The following UBE3B variants were observed in gnomAD, a reference collection of about 807,000 sequenced individuals.
UBE3B encodes ubiquitin-protein ligase E3B.
In UBE3B, 80 loss-of-function variants were observed where a neutral mutation model predicts 132.3. The observed-to-expected ratio is 0.60, with a 90% CI of 0.50 to 0.73. The LOEUF is 0.73. Ranked by LOEUF, UBE3B falls within the 30% of genes least tolerant of loss-of-function variation. The probability of loss-of-function intolerance (pLI) is 0.00; values close to 1 mark genes in which losing one functional copy is unlikely to be tolerated. For synonymous variants in UBE3B, 487 were observed against 520.4 expected, an observed-to-expected ratio of 0.94 and a Z score of 0.87; for missense variants, 1,196 against 1,362.5, an observed-to-expected ratio of 0.88 and a Z score of 1.92.
chr12:109,481,281 A>G (rs1592867115), intron 1 of UBE3B, among the ~76,000 whole-genome samples: 1 of 151,120 alleles, frequency 6.6e-6, no homozygotes, highest in Non-Finnish European at 1.5e-5. Flanking sequence ...ATGCCGCTGC[A>G]CTCCAACCTC....
At chr12:109,524,906 G>A (rs563956547) in intron 23 of UBE3B, among the ~76,000 whole-genome samples, 1 of 151,872 alleles carries the variant, frequency 6.6e-6, no homozygotes, top group Non-Finnish European at 1.5e-5. Context: ...ACAGAGCAGA[G>A]CAGGGAGCAG....
At chr12:109,488,990 T>C (rs1298216508) in intron 7 of UBE3B, among the ~76,000 whole-genome samples, 1 of 152,204 alleles carries the variant, frequency 6.6e-6, no homozygotes. Context: ...ACTTGGAAAA[T>C]CATTAGGTTG....
At chr12:109,484,782 G>C (rs1200130596) in intron 4 of UBE3B, among the ~76,000 whole-genome samples, 1 of 151,162 alleles carries the variant, frequency 6.6e-6, no homozygotes, top group African/African-American at 2.4e-5. Context: ...TTCTGAGACA[G>C]GGTCTCACTG....
Position 109,488,564 on chromosome 12 carries a change from GTT to G in UBE3B, c.448-6_448-5del. The G allele has an allele frequency of 6.2e-7, 1 of 1,613,218 alleles. No homozygotes were observed. The highest frequency in any genetic ancestry group is 8.5e-7 in the Non-Finnish European group (1 of 1,179,214). ...GTGTCTTAATCTTGCTGTGTTTATT[GTT>G]TCCAGCCTGAAATCCTGCAGGACTC... On this transcript the variant is annotated splice_polypyrimidine_tract_variant and splice_region_variant and intron_variant, in intron 6 of 27. Transcript: ENST00000342494.
chr12:109,508,546 T>C (rs1360979257), intron 15 of UBE3B: 1 of 985,420 alleles, frequency 1.0e-6, no homozygotes, highest in Non-Finnish European at 1.2e-6. Context: ...TGAAGAATTA[T>C]AAGATACAAT....
rs917779451 is a variant in UBE3B, at chr12:109,486,089, G to T, written c.342+18G>T. 6 of 1,556,100 alleles carry T rather than the reference G, an allele frequency of 3.9e-6. No homozygotes were observed. The African/African-American group carries it at 5.5e-5, about 14-fold the overall frequency. ...AGCCTAAGGTAAGTGGACGGGAGCC[G>T]CAGTGTCTCCCACAAGCTCTTAAGG... is the stretch of plus-strand genomic sequence containing the variant. On this transcript the variant is annotated intron_variant, in intron 5 of 27. Coordinates refer to ENST00000342494, the MANE Select transcript of UBE3B (RefSeq NM_130466.4).
At position 109,528,253 on chromosome 12, in the gene UBE3B, ACT is replaced by A. The variant is rs1408048487; in HGVS notation, c.2628-1632_2628-1631del. ...TTTATGAGTGTTGGATGTTTCCCAT[ACT>A]CTCTTCTCTCGTATCTCCCTCTCTC... On this transcript the variant is annotated intron_variant, in intron 24 of 27. Coordinates refer to ENST00000342494, the MANE Select transcript of UBE3B (RefSeq NM_130466.4). 8.5e-6 allele frequency: 7 copies of A among 820,176 alleles called. No individual in the cohort carries two copies. In the Admixed American group the frequency reaches 2.5e-4, roughly 29 times the overall value. 50.8% of individuals were successfully genotyped at this position (820,176 alleles called of 1,614,324 possible).
At chr12:109,537,486 G>A (rs1333546489), downstream of UBE3B, among the ~76,000 whole-genome samples, 3 of 152,182 alleles carry the variant, frequency 2.0e-5, no homozygotes, top group Non-Finnish European at 4.4e-5. Context: ...TTAGGATCCA[G>A]TCAGGAAAGA....
Position 109,529,899 on chromosome 12 carries a change from C to T in UBE3B, c.2637C>T (p.Tyr879=). 1 of 1,614,240 alleles carries T rather than the reference C, an allele frequency of 6.2e-7. No individual in the cohort carries two copies. Among genetic ancestry groups the T allele is most frequent in the Non-Finnish European group, 8.5e-7 (1 of 1,180,044 alleles). Residue 879 remains tyrosine, a synonymous_variant, in exon 25 of 28, where the codon TAC becomes TAT. Coordinates refer to ENST00000342494, the MANE Select transcript of UBE3B (RefSeq NM_130466.4). ...TCCTTGTTGGCAACAGAATTAGCTA[C>T]ATCCATCTGATGGCACATTTTCGAA... The part of the protein sequence containing the change: ...IPVTNENKIS[Y]IHLMAHFRMH...
chr12:109,524,318 C>T (rs1452639393), intron 22 of UBE3B, 120 bp from the exon 23 acceptor site: 4 of 1,410,418 alleles, frequency 2.8e-6, no homozygotes, highest in South Asian at 1.2e-5. Flanking sequence ...TTCTTTGCGT[C>T]AAGCTGTTCA....
Position 109,526,434 on chromosome 12 carries a change from G to T in UBE3B, c.2627+18G>T, listed in dbSNP as rs1206980954. The T allele has an allele frequency of 4.3e-6, 7 of 1,613,098 alleles. No individual in the cohort carries two copies. Among genetic ancestry groups the T allele is most frequent in the Non-Finnish European group, 5.9e-6 (7 of 1,179,240 alleles). On this transcript the variant is annotated intron_variant, in intron 24 of 27. Coordinates refer to ENST00000342494, the MANE Select transcript of UBE3B (RefSeq NM_130466.4). ...GAAAATAAGTGAGTATAGCAATTAG[G>T]TTTTTAAGGTCACCACTTGAAAAGA...
chr12:109,510,751 A>G (rs1880274274), intron 17 of UBE3B, among the ~76,000 whole-genome samples: 1 of 152,254 alleles, frequency 6.6e-6, no homozygotes, highest in Non-Finnish European at 1.5e-5. Flanking sequence ...GAGCTGAGCA[A>G]CAGAGCATGA....
chr12:109,546,236 A>G, the UBE3B span, among the ~76,000 whole-genome samples: 679 of 152,192 alleles, frequency 4.5e-3, 4 homozygotes, highest in Middle Eastern at 6.8e-3. Context: ...CTGGTTTGCT[A>G]TCACAGGGGC....
At chr12:109,501,247 T>C in intron 12 of UBE3B, 124 bp from the exon 13 acceptor site, 1 of 1,165,298 alleles carries the variant, frequency 8.6e-7, no homozygotes, top group Non-Finnish European at 1.2e-6. Context: ...TAATCTTCTT[T>C]GCCATGTTGA....
intron 17 of UBE3B, 119 bp downstream of exon 17, chr12:109,510,577 T>A: frequency 1.3e-6 from 1 of 776,132 alleles, no homozygotes; most frequent in Non-Finnish European, 2.1e-6. Flanking sequence ...TCATTTTGTC[T>A]GTTCATTTGT....
intron 19 of UBE3B, among the ~76,000 whole-genome samples, chr12:109,517,403 G>A (rs1357476695): frequency 6.6e-6 from 1 of 152,180 alleles, no homozygotes; most frequent in Admixed American, 6.5e-5. Context: ...AGCTAAATCC[G>A]TTGTCTGGAA....
intron 13 of UBE3B, 61 bp downstream of exon 13, chr12:109,501,595 T>A: frequency 6.4e-7 from 1 of 1,554,660 alleles, no homozygotes; most frequent in Non-Finnish European, 8.7e-7. Context: ...AGCTCCTGTT[T>A]CTTCCTATAT....
At chr12:109,510,775 G>A (rs1271165958) in intron 17 of UBE3B, among the ~76,000 whole-genome samples, 1 of 152,242 alleles carries the variant, frequency 6.6e-6, no homozygotes, top group African/African-American at 2.4e-5. Context: ...TTAAAAGGCA[G>A]TTTTTATTAG....
chr12:109,490,677 A>G, intron 8 of UBE3B: 21 of 1,478,724 alleles, frequency 1.4e-5, no homozygotes, highest in South Asian at 6.8e-5. Context: ...CATTATTTGT[A>G]TTAGCTGTTT....
Sources: allele counts gnomAD v4.1 joint callset (sites outside exome capture counted in the v4.1 genomes callset), GRCh38; gene constraint gnomAD v4.1.1; transcripts MANE v1.5; gene names NCBI Gene and HGNC (gene_info 2026-07-23, HGNC 2026-07-21).